BCLAF1: variants seen among roughly 807,000 people sequenced by gnomAD.
The protein encoded by BCLAF1 is BCL2 associated transcription factor 1.
Under a neutral mutation model 99.5 loss-of-function variants are expected in BCLAF1, and 10 were observed. The ratio of observed to expected loss-of-function variants is 0.10; its 90% confidence interval spans 0.06 to 0.17. BCLAF1 has a LOEUF of 0.17. Among genes scored for constraint, BCLAF1 ranks in the 10% least tolerant of loss-of-function variants. The pLI, the probability that BCLAF1 is intolerant of heterozygous loss-of-function variation, is 1.00. For missense variants in BCLAF1, 636 were observed against 1,105.8 expected (o/e 0.58, Z 6.02); for synonymous variants, 255 against 370.9 (o/e 0.69, Z 3.59).
chr6:136,287,258 C>T (rs1785268856), intron 1 of BCLAF1, among the ~76,000 whole-genome samples: 1 of 152,034 alleles, frequency 6.6e-6, no homozygotes, highest in African/African-American at 2.4e-5. Context: ...TGCAGTGAGC[C>T]GAGATGGCGC....
intron 11 of BCLAF1, among the ~76,000 whole-genome samples, chr6:136,266,457 TACC>T (rs1445354242): frequency 6.6e-6 from 1 of 152,084 alleles, no homozygotes; most frequent in African/African-American, 2.4e-5. Context: ...CTTCAGGACC[TACC>T]ACCTCTAGCT....
chr6:136,280,705 T>A (rs1347338293), intron 2 of BCLAF1, among the ~76,000 whole-genome samples: 8 of 152,272 alleles, frequency 5.3e-5, no homozygotes, highest in African/African-American at 1.9e-4. Context: ...TCAGTAACTG[T>A]CAAAACTAAT....
At chr6:136,265,476 T>C (rs970101015) in intron 11 of BCLAF1, among the ~76,000 whole-genome samples, 2 of 152,198 alleles carry the variant, frequency 1.3e-5, no homozygotes, top group African/African-American at 2.4e-5. Flanking sequence ...TCAGACACTA[T>C]ATTCTCTCAA....
chr6:136,268,092 T>C lies in BCLAF1; in HGVS notation c.2397+70A>G, dbSNP rs758674558. 4.5e-6 allele frequency: 6 copies of C among 1,342,498 alleles called. No homozygotes were observed. The African/African-American group carries it at 7.4e-5, about 17-fold the overall frequency. 83.2% of individuals were successfully genotyped at this position (1,342,498 alleles called of 1,614,324 possible). On this transcript the variant is annotated intron_variant, in intron 10 of 12. Coordinates refer to ENST00000531224, the MANE Select transcript of BCLAF1 (RefSeq NM_014739.3). ...CATAACAATCTCTAAATCATGTATA[T>C]GACCTTCCTTATGTACAGTACTCTA...
intron 2 of BCLAF1, among the ~76,000 whole-genome samples, chr6:136,280,804 A>G (rs1014340884): frequency 1.3e-5 from 2 of 151,052 alleles, no homozygotes; most frequent in African/African-American, 2.5e-5. Context: ...CAACTTTTCA[A>G]TGATTAGATT....
chr6:136,289,480 A>G (rs1785663517), intron 1 of BCLAF1, among the ~76,000 whole-genome samples: 1 of 152,128 alleles, frequency 6.6e-6, no homozygotes. Flanking sequence ...CAGGTTCGCA[A>G]ACACGCGCGC....
chr6:136,261,160 A>G, intron 12 of BCLAF1, 45 bp from the exon 13 acceptor site: 7 of 1,565,366 alleles, frequency 4.5e-6, no homozygotes, highest in South Asian at 1.2e-5. Flanking sequence ...AGATGCGGAG[A>G]GTGAAAAGGA....
Position 136,258,682 on chromosome 6 carries a change from C to T in BCLAF1, c.*2428G>A, listed in dbSNP as rs1780628343. The T allele has an allele frequency of 6.6e-6, 1 of 152,526 alleles. No individual in the cohort carries two copies. The highest frequency in any genetic ancestry group is 2.4e-5 in the African/African-American group (1 of 41,458). The allele number at this position is 152,526 out of a possible 1,614,324, so 9.4% of individuals were successfully genotyped here. A position where few individuals can be genotyped will look rare whatever the true frequency, so the allele number is the denominator to read the frequency against. On this transcript the variant is annotated 3_prime_UTR_variant, in exon 13 of 13. Transcript: ENST00000531224. ...TGAGTAAGAATCGTTTAGCCATCTA[C>T]ATTCAATGTTACTGGGTAATATTTT...
At chr6:136,266,379 T>C (rs1173497507) in intron 11 of BCLAF1, among the ~76,000 whole-genome samples, 1 of 152,098 alleles carries the variant, frequency 6.6e-6, no homozygotes, top group Non-Finnish European at 1.5e-5. Flanking sequence ...TGTCCACCTC[T>C]ATAATGCAGG....
At position 136,257,216 on chromosome 6, in the gene BCLAF1, G is replaced by C. The variant is rs1398092381; in HGVS notation, c.*3894C>G. On this transcript the variant is annotated 3_prime_UTR_variant, in exon 13 of 13. Transcript: ENST00000531224. ...TGGTAAAACACCAAAAATATCCATA[G>C]GAAAAATTTTCCTATATACAGATTA... The C allele has an allele frequency of 6.6e-6, 1 of 152,086 alleles. No homozygotes were observed. Among genetic ancestry groups the C allele is most frequent in the Non-Finnish European group, 1.5e-5 (1 of 68,002 alleles). The allele number at this position is 152,086 out of a possible 1,614,324, so 9.4% of individuals were successfully genotyped here.
rs1176482929 is a variant in BCLAF1 at position 136,258,214 on chromosome 6, CTAT to C, written c.*2893_*2895del. On this transcript the variant is annotated 3_prime_UTR_variant, in exon 13 of 13. Transcript: ENST00000531224. ...ATTCTTTTTACTTATTTACTAGCTACTATGTTTTTAGAAAGAGAAGTAATCACC... is the reference window on the plus strand; with the variant it reads ...ATTCTTTTTACTTATTTACTAGCTACGTTTTTAGAAAGAGAAGTAATCACC... 1.3e-5 allele frequency: 2 copies of C among 151,932 alleles called. No individual in the cohort carries two copies. The highest frequency in any genetic ancestry group is 1.9e-4 in the East Asian group (1 of 5,194). The allele number at this position is 151,932 out of a possible 1,614,324, so 9.4% of individuals were successfully genotyped here. A position where few individuals can be genotyped will look rare whatever the true frequency, so the allele number is the denominator to read the frequency against.
intron 6 of BCLAF1, chr6:136,273,494 T>A (rs1782837695): frequency 8.3e-6 from 2 of 241,466 alleles, no homozygotes; most frequent in South Asian, 1.3e-4. Context: ...AGGAACATAA[T>A]CTATGGATGC....
In BCLAF1 at chr6:136,260,988, A is replaced by G. The variant is rs901241422; in HGVS notation, c.*122T>C. ...TTTGAAGACTTAAAACAAAATTTCT[A>G]TAGACTACTTGCAAACAGTAAAATT... On this transcript the variant is annotated 3_prime_UTR_variant, in exon 13 of 13. Transcript: ENST00000531224. 1.1e-5 allele frequency: 12 copies of G among 1,085,218 alleles called. No homozygotes were observed. The highest frequency in any genetic ancestry group is 1.6e-5 in the Non-Finnish European group (12 of 774,172). The allele number at this position is 1,085,218 out of a possible 1,614,324, so 67.2% of individuals were successfully genotyped here.
At position 136,268,343 on chromosome 6, in the gene BCLAF1, CA is replaced by C; in HGVS notation, c.2220-5del. The C allele has an allele frequency of 6.4e-7, 1 of 1,574,216 alleles. No homozygotes were observed. The highest frequency in any genetic ancestry group is 8.6e-7 in the Non-Finnish European group (1 of 1,163,432). On this transcript the variant is annotated splice_polypyrimidine_tract_variant and splice_region_variant and intron_variant, in intron 9 of 12. Coordinates refer to ENST00000531224, the MANE Select transcript of BCLAF1 (RefSeq NM_014739.3). Reference sequence around the variant, plus strand: ...ATCTTGCTCTCTTTTATGTTTACTGCAAAATAAAGAAAACAAAAAATGTGAT... The same window carrying C: ...ATCTTGCTCTCTTTTATGTTTACTGCAAATAAAGAAAACAAAAAATGTGAT...
chr6:136,271,934 G>T, intron 8 of BCLAF1, 61 bp downstream of exon 8: 2 of 1,202,004 alleles, frequency 1.7e-6, no homozygotes, highest in Non-Finnish European at 2.4e-6. Flanking sequence ...AACTATATTT[G>T]GTACAATATC....
chr6:136,284,700 A>T (rs1407595783), intron 1 of BCLAF1, among the ~76,000 whole-genome samples: 1 of 152,208 alleles, frequency 6.6e-6, no homozygotes, highest in East Asian at 1.9e-4. Flanking sequence ...CTTACATGCC[A>T]GGCACTACTA....
chr6:136,287,016 T>G (rs1035424964), intron 1 of BCLAF1, among the ~76,000 whole-genome samples: 5 of 151,268 alleles, frequency 3.3e-5, no homozygotes, highest in African/African-American at 4.9e-5. Flanking sequence ...TGTAATCCCA[T>G]GTAATCCCAG....
rs781481739 is a variant in BCLAF1 at position 136,276,430 on chromosome 6, T to C, written c.1095A>G (p.Gly365=). The C allele has an allele frequency of 6.5e-7, 1 of 1,537,606 alleles. No individual in the cohort carries two copies. The highest frequency in any genetic ancestry group is 2.2e-5 in the Admixed American group (1 of 45,348). ...TRDKEASKEK[G]SEKGRAEGEW... is the part of the protein sequence containing the mutation. Reference sequence around the variant, plus strand: ...CTCCCTCTGCCCTCCCTTTCTCTGATCCTTTCTCTTTTGAAGCCTCTTTAT... The same window carrying C: ...CTCCCTCTGCCCTCCCTTTCTCTGACCCTTTCTCTTTTGAAGCCTCTTTAT... The change falls in exon 5 of 13, where the codon GGA becomes GGG. Residue 365 remains glycine, a synonymous_variant. Coordinates refer to ENST00000531224, the MANE Select transcript of BCLAF1 (RefSeq NM_014739.3).
At chr6:136,285,375 G>C (rs1227282134) in intron 1 of BCLAF1, among the ~76,000 whole-genome samples, 1 of 152,178 alleles carries the variant, frequency 6.6e-6, no homozygotes, top group Non-Finnish European at 1.5e-5. Flanking sequence ...AAGCATCTGG[G>C]AGGACAAGTT....
Sources: gnomAD v4.1 joint callset for allele counts (sites outside exome capture counted in the v4.1 genomes callset) on GRCh38, gnomAD v4.1.1 for gene constraint, MANE v1.5 for transcripts, NCBI Gene and HGNC (gene_info 2026-07-23, HGNC 2026-07-21) for gene names.